Variants in PCSK2 observed in about 807,000 individuals in gnomAD.
The protein encoded by PCSK2 is proprotein convertase subtilisin/kexin type 2.
PCSK2 carries 14 observed loss-of-function variants against 69.7 expected under a neutral mutation model. The ratio of observed to expected loss-of-function variants is 0.20; its 90% CI spans 0.13 to 0.31. The LOEUF (loss-of-function observed/expected upper bound fraction) is 0.31. Ranked by LOEUF, PCSK2 falls within the 10% of genes least tolerant of loss-of-function variation. The probability of loss-of-function intolerance (pLI) is 1.00; values close to 1 mark genes in which losing one functional copy is unlikely to be tolerated. For synonymous variants in PCSK2, 307 were observed against 320.7 expected, an observed-to-expected ratio of 0.96 and a Z score of 0.46; for missense variants, 544 against 842.5, an observed-to-expected ratio of 0.65 and a Z score of 4.39.
intron 2 of PCSK2, among the ~76,000 whole-genome samples, chr20:17,352,068 A>T (rs567530499): frequency 5.3e-5 from 8 of 152,358 alleles, no homozygotes; most frequent in South Asian, 2.1e-4. Flanking sequence ...GTTCAAGCTG[A>T]GAGCCAAATC....
intron 1 of PCSK2, among the ~76,000 whole-genome samples, chr20:17,246,456 C>A (rs1986774510): frequency 6.6e-6 from 1 of 152,136 alleles, no homozygotes; most frequent in Non-Finnish European, 1.5e-5. Flanking sequence ...ACAGTAATTA[C>A]TCACAATCAG....
intron 2 of PCSK2, among the ~76,000 whole-genome samples, chr20:17,292,834 T>A (rs1029833431): frequency 6.6e-6 from 1 of 152,166 alleles, no homozygotes; most frequent in Non-Finnish European, 1.5e-5. Flanking sequence ...TGTTTTTTTT[T>A]ATTTTTGTTT....
chr20:17,236,331 A>G (rs1480162836), intron 1 of PCSK2, among the ~76,000 whole-genome samples: 1 of 152,112 alleles, frequency 6.6e-6, no homozygotes, highest in Non-Finnish European at 1.5e-5. Flanking sequence ...TTCATAAGAA[A>G]TTATTGTGTC....
At chr20:17,456,275 C>T (rs1488527933) in intron 9 of PCSK2, 73 bp from the exon 10 acceptor site, 1 of 774,564 alleles carries the variant, frequency 1.3e-6, no homozygotes, top group East Asian at 2.5e-5. Flanking sequence ...GTAGATAATC[C>T]CCTGCTCCAC....
chr20:17,458,594 C>T (rs2032963527), intron 10 of PCSK2, among the ~76,000 whole-genome samples: 1 of 152,304 alleles, frequency 6.6e-6, no homozygotes, highest in Non-Finnish European at 1.5e-5. Flanking sequence ...CTCCACAGAG[C>T]AGTCCCAAAG....
chr20:17,481,885 G>A lies in PCSK2; in HGVS notation c.1732G>A (p.Ala578Thr), dbSNP rs924654760. The A allele has an allele frequency of 9.3e-6, 15 of 1,613,972 alleles. No individual in the cohort carries two copies. Among genetic ancestry groups the A allele is most frequent in the Non-Finnish European group, 1.2e-5 (14 of 1,179,986 alleles). ...CCTGGAGCTGGGATTTGTCGGCAGC[G>A]CCCCGCAGAAGGGGGTGCTGAAGGA... ...WTLELGFVGSAPQKGVLKEWT... is the reference protein window; with the variant it reads ...WTLELGFVGSTPQKGVLKEWT... The change falls in exon 12 of 12, where the codon GCC becomes ACC. Residue 578 changes from alanine (A) to threonine (T), a missense_variant. Around this residue, in one of 3 missense-constraint regions of PCSK2, gnomAD observed 200 missense variants for 287.8 expected, o/e 0.69. Transcript: ENST00000262545.
intron 8 of PCSK2, among the ~76,000 whole-genome samples, chr20:17,439,443 A>G (rs1470293627): frequency 6.6e-6 from 1 of 151,840 alleles, no homozygotes; most frequent in Admixed American, 6.6e-5. Context: ...ATTTTTCTCC[A>G]TCTCTTCACC....
chr20:17,226,736 C>T (rs1322247113), upstream of PCSK2, among the ~76,000 whole-genome samples: 21 of 151,544 alleles, frequency 1.4e-4, no homozygotes, highest in Admixed American at 1.2e-3. Context: ...TTCCTGGGCG[C>T]GCGGCGGGCC....
At chr20:17,341,965 G>C (rs1199359078) in intron 2 of PCSK2, among the ~76,000 whole-genome samples, 1 of 152,196 alleles carries the variant, frequency 6.6e-6, no homozygotes, top group East Asian at 1.9e-4. Flanking sequence ...CTGCTGTTCA[G>C]TGAGAACCAT....
chr20:17,358,546 C>A, intron 3 of PCSK2, 106 bp downstream of exon 3: 1 of 678,366 alleles, frequency 1.5e-6, no homozygotes, highest in Non-Finnish European at 2.6e-6. Flanking sequence ...AGTATCCAAC[C>A]CAGTGACCCT....
chr20:17,455,488 A>G (rs2032902768), intron 9 of PCSK2, among the ~76,000 whole-genome samples: 1 of 152,226 alleles, frequency 6.6e-6, no homozygotes, highest in Non-Finnish European at 1.5e-5. Context: ...GACTCAACAC[A>G]TCTCAGAATC....
rs1448966961 is a variant in PCSK2 at position 17,377,409 on chromosome 20, G to GTACC, written c.543+8134_543+8137dup. ...CTCAGAAGAGCTGCCAGCACAGGAA[G>GTACC]TACCTTGAGCTTGACAGAAGTGTGC... On this transcript the variant is annotated intron_variant, in intron 5 of 11. Coordinates refer to ENST00000262545, the MANE Select transcript of PCSK2 (RefSeq NM_002594.5). 7.9e-5 allele frequency among the ~76,000 whole-genome samples: 12 copies of GTACC among 152,338 alleles called. No homozygotes were observed. The East Asian group carries it at 2.3e-3, about 29-fold the overall frequency.
intron 2 of PCSK2, among the ~76,000 whole-genome samples, chr20:17,293,613 A>T (rs1479365694): frequency 1.3e-5 from 2 of 152,222 alleles, no homozygotes; most frequent in African/African-American, 4.8e-5. Flanking sequence ...AATTTAATAA[A>T]GTGTATTATA....
At chr20:17,262,066 C>T (rs1244374776) in intron 2 of PCSK2, among the ~76,000 whole-genome samples, 3 of 152,200 alleles carry the variant, frequency 2.0e-5, no homozygotes, top group Non-Finnish European at 4.4e-5. Context: ...CATTCTAACA[C>T]ATATGATCTC....
intron 5 of PCSK2, among the ~76,000 whole-genome samples, chr20:17,389,695 T>G (rs751646988): frequency 3.9e-5 from 6 of 152,190 alleles, no homozygotes; most frequent in African/African-American, 1.4e-4. Context: ...AAGGGTTCAG[T>G]GCAGGGTTTA....
intron 1 of PCSK2, among the ~76,000 whole-genome samples, chr20:17,230,862 C>A (rs575491472): frequency 6.6e-6 from 1 of 152,236 alleles, no homozygotes; most frequent in African/African-American, 2.4e-5. Context: ...ATAACTTTAC[C>A]TCTGAAAAGG....
At position 17,413,196 on chromosome 20, in the gene PCSK2, G is replaced by T. The variant is rs185432414; in HGVS notation, c.620+3857G>T. ...ACACATAACAATATTAACCTTAAAT[G>T]TAAATGGGCTAAATGCCCCAATTAA... On this transcript the variant is annotated intron_variant, in intron 6 of 11. Transcript: ENST00000262545. 1.6e-3 allele frequency among the ~76,000 whole-genome samples: 249 copies of T among 152,292 alleles called. 2 individuals are homozygous for T. Among genetic ancestry groups the T allele is most frequent in the African/African-American group, 5.8e-3 (243 of 41,562 alleles).
At chr20:17,344,158 G>A (rs995022762) in intron 2 of PCSK2, among the ~76,000 whole-genome samples, 3 of 152,158 alleles carry the variant, frequency 2.0e-5, no homozygotes, top group Non-Finnish European at 4.4e-5. Context: ...GCTCATTAAC[G>A]CCCTGTCATC....
intron 5 of PCSK2, among the ~76,000 whole-genome samples, chr20:17,391,085 G>T (rs1385141095): frequency 6.6e-6 from 1 of 152,124 alleles, no homozygotes; most frequent in Non-Finnish European, 1.5e-5. Flanking sequence ...TCAAATCCTT[G>T]TGTGAATATC....
Sources: gnomAD v4.1 joint callset for allele counts (sites outside exome capture counted in the v4.1 genomes callset) on GRCh38, gnomAD v4.1.1 for gene constraint, gnomAD v4.1.1 regional missense constraint, MANE v1.5 for transcripts, NCBI Gene and HGNC (gene_info 2026-07-23, HGNC 2026-07-21) for gene names.